The following PLA2G4A variants were observed in gnomAD, a reference collection of about 807,000 sequenced individuals.
PLA2G4A encodes phospholipase A2 group IVA.
PLA2G4A carries 40 observed loss-of-function variants against 81.9 expected under a neutral mutation model. The ratio of observed to expected loss-of-function variants is 0.49; its 90% confidence interval spans 0.38 to 0.64. PLA2G4A has a LOEUF of 0.64. Among genes scored for constraint, PLA2G4A ranks in the 30% least tolerant of loss-of-function variants. The pLI, the probability that PLA2G4A is intolerant of heterozygous loss-of-function variation, is 0.00. For missense variants in PLA2G4A, 715 were observed against 905.1 expected, an observed-to-expected ratio of 0.79 and a Z score of 2.69; for synonymous variants, 302 against 296.9, an observed-to-expected ratio of 1.02 and a Z score of -0.18.
At chr1:186,901,951 T>C (rs1654554206) in intron 5 of PLA2G4A, among the ~76,000 whole-genome samples, 1 of 152,184 alleles carries the variant, frequency 6.6e-6, no homozygotes, top group South Asian at 2.1e-4. Context: ...TAGCTATATG[T>C]TGCTTAACAA....
At chr1:186,884,515 T>C (rs962591159) in intron 3 of PLA2G4A, among the ~76,000 whole-genome samples, 2 of 152,086 alleles carry the variant, frequency 1.3e-5, no homozygotes, top group African/African-American at 4.8e-5. Flanking sequence ...AAATTAATTT[T>C]TTTAAATGTC....
At position 186,905,172 on chromosome 1, in the gene PLA2G4A, T is replaced by G. The variant is rs374493007; in HGVS notation, c.379-1793T>G. Among the ~76,000 whole-genome samples, 6 of 152,178 alleles carry G rather than the reference T, an allele frequency of 3.9e-5. No homozygotes were observed. The East Asian group carries it at 7.7e-4, about 20-fold the overall frequency. Reference sequence around the variant, plus strand: ...ACCCAGCCAAACATTGGATATGTAATTAATAAATTGCTTGGAGACCTGCCA... The same window carrying G: ...ACCCAGCCAAACATTGGATATGTAAGTAATAAATTGCTTGGAGACCTGCCA... On this transcript the variant is annotated intron_variant, in intron 5 of 17. Coordinates refer to ENST00000367466, the MANE Select transcript of PLA2G4A (RefSeq NM_024420.3).
chr1:186,983,868 A>G (rs1657808190), intron 17 of PLA2G4A, among the ~76,000 whole-genome samples: 1 of 152,004 alleles, frequency 6.6e-6, no homozygotes, highest in African/African-American at 2.4e-5. Flanking sequence ...AACCTTTCTA[A>G]ATTTTGCTTT....
chr1:186,926,794 A>G (rs1038312944), intron 7 of PLA2G4A, among the ~76,000 whole-genome samples: 1 of 152,212 alleles, frequency 6.6e-6, no homozygotes, highest in African/African-American at 2.4e-5. Flanking sequence ...GCAAGGGGAT[A>G]AGTACAAATG....
Position 186,939,845 on chromosome 1 carries a change from G to A in PLA2G4A, c.919-135G>A. ...TTTTTTGTTGTTCATTCAGGACCTA[G>A]TAATTTCTAGAAGTAATAAGACTTA... On this transcript the variant is annotated intron_variant, in intron 9 of 17. Coordinates refer to ENST00000367466, the MANE Select transcript of PLA2G4A (RefSeq NM_024420.3). 3 of 622,388 alleles carry A rather than the reference G, an allele frequency of 4.8e-6. No individual in the cohort carries two copies. The South Asian group carries it at 5.8e-5, about 12-fold the overall frequency. 38.6% of individuals were successfully genotyped at this position (622,388 alleles called of 1,614,324 possible).
intron 1 of PLA2G4A, among the ~76,000 whole-genome samples, chr1:186,831,005 TCTTTCTTTCTTTC>T (rs1378805009): frequency 6.8e-6 from 1 of 147,780 alleles, no homozygotes; most frequent in Non-Finnish European, 1.5e-5. Flanking sequence ...TTTCTTTCTT[TCTTTCTTTCTTTC>T]TTTTTCTTTC....
intron 5 of PLA2G4A, among the ~76,000 whole-genome samples, chr1:186,904,864 T>A (rs532765313): frequency 0.017 from 2,604 of 152,184 alleles, 69 homozygotes; most frequent in African/African-American, 0.059. Flanking sequence ...TATATATTTT[T>A]TTTTTTGAGA....
At chr1:186,877,666 A>C (rs1653551359) in intron 3 of PLA2G4A, among the ~76,000 whole-genome samples, 1 of 140,540 alleles carries the variant, frequency 7.1e-6, no homozygotes, top group Non-Finnish European at 1.5e-5. Flanking sequence ...ATGGGAGTAT[A>C]ATCATGCACT....
At chr1:186,880,384 T>A (rs1057080819) in intron 3 of PLA2G4A, among the ~76,000 whole-genome samples, 5 of 152,084 alleles carry the variant, frequency 3.3e-5, no homozygotes, top group Non-Finnish European at 7.4e-5. Flanking sequence ...CTTAGCTATT[T>A]TTTTATGATT....
chr1:186,971,803 G>A (rs531791577), intron 15 of PLA2G4A, among the ~76,000 whole-genome samples: 2 of 151,976 alleles, frequency 1.3e-5, no homozygotes, highest in African/African-American at 4.8e-5. Context: ...AAATTTGCGA[G>A]GAGTCTACAT....
intron 17 of PLA2G4A, among the ~76,000 whole-genome samples, chr1:186,986,005 C>G (rs1402890164): frequency 1.3e-5 from 2 of 152,150 alleles, no homozygotes. Context: ...TTTTCTATCA[C>G]AGAACTGTAA....
intron 10 of PLA2G4A, among the ~76,000 whole-genome samples, chr1:186,942,697 G>T (rs1656194460): frequency 6.6e-6 from 1 of 152,042 alleles, no homozygotes; most frequent in South Asian, 2.1e-4. Context: ...AATAATTAAA[G>T]AATAAATAAT....
intron 10 of PLA2G4A, among the ~76,000 whole-genome samples, chr1:186,943,946 A>T (rs1656248974): frequency 6.6e-6 from 1 of 152,220 alleles, no homozygotes; most frequent in African/African-American, 2.4e-5. Context: ...CAATAAAAAC[A>T]GAATGGAAAG....
At chr1:186,914,362 A>G (rs1655067473) in intron 7 of PLA2G4A, among the ~76,000 whole-genome samples, 1 of 148,512 alleles carries the variant, frequency 6.7e-6, no homozygotes, top group Non-Finnish European at 1.5e-5. Flanking sequence ...TCTGCCTGCC[A>G]AAGTGCTAGT....
At chr1:186,903,313 T>G (rs1052116506) in intron 5 of PLA2G4A, among the ~76,000 whole-genome samples, 3 of 152,146 alleles carry the variant, frequency 2.0e-5, no homozygotes, top group Admixed American at 1.3e-4. Flanking sequence ...GTTGTAAATA[T>G]TGGAGTACAT....
At chr1:186,955,899 A>AT (rs1314248142) in intron 13 of PLA2G4A, among the ~76,000 whole-genome samples, 2 of 24,908 alleles carry the variant, frequency 8.0e-5, no homozygotes, top group Non-Finnish European at 1.8e-4. Flanking sequence ...ATGACCAGCT[A>AT]ATTTTTTTTT....
At chr1:186,881,219 T>A (rs916821912) in intron 3 of PLA2G4A, among the ~76,000 whole-genome samples, 1 of 152,028 alleles carries the variant, frequency 6.6e-6, no homozygotes, top group African/African-American at 2.4e-5. Flanking sequence ...CTATTATACA[T>A]ATTCAGCCTA....
At chr1:186,945,565 A>G (rs1307321282) in intron 10 of PLA2G4A, among the ~76,000 whole-genome samples, 1 of 152,168 alleles carries the variant, frequency 6.6e-6, no homozygotes, top group Non-Finnish European at 1.5e-5. Flanking sequence ...ACAGTGGACA[A>G]ATGGATAAGT....
At chr1:186,875,228 A>G (rs1361816655) in intron 3 of PLA2G4A, among the ~76,000 whole-genome samples, 2 of 152,092 alleles carry the variant, frequency 1.3e-5, no homozygotes, top group Non-Finnish European at 1.5e-5. Context: ...TTAAAAATCC[A>G]TGATGGAACA....
Sources: allele counts gnomAD v4.1 joint callset (sites outside exome capture counted in the v4.1 genomes callset), GRCh38; gene constraint gnomAD v4.1.1; transcripts MANE v1.5; gene names NCBI Gene and HGNC (gene_info 2026-07-23, HGNC 2026-07-21).